CAST: variants seen among roughly 807,000 people sequenced by gnomAD.
CAST encodes MIR583 host.
In CAST, 76 loss-of-function variants were observed where a neutral mutation model predicts 119.6. That is an observed-to-expected ratio of 0.64 (90% CI 0.53 to 0.77). CAST has a LOEUF of 0.77. Among genes scored for constraint, CAST ranks in the 30% least tolerant of loss-of-function variants. The pLI is 0.00. For missense variants in CAST, 953 were observed against 946.5 expected, an observed-to-expected ratio of 1.01 and a Z score of -0.09; for synonymous variants, 319 against 331.6, an observed-to-expected ratio of 0.96 and a Z score of 0.41.
the CAST span, among the ~76,000 whole-genome samples, chr5:96,049,295 C>T: frequency 1.3e-5 from 2 of 152,086 alleles, no homozygotes; most frequent in African/African-American, 4.8e-5. Context: ...AGACAAGATG[C>T]AGTTATTTTC....
chr5:96,693,264 G>A (rs4869307), intron 2 of CAST, among the ~76,000 whole-genome samples: 28,308 of 152,096 alleles, frequency 0.19, 2,724 homozygotes, highest in South Asian at 0.23. Flanking sequence ...GGGAGCCTCC[G>A]TTAAGTTAAA....
chr5:96,496,771 C>A, the CAST span, among the ~76,000 whole-genome samples: 1 of 152,128 alleles, frequency 6.6e-6, no homozygotes, highest in South Asian at 2.1e-4. Context: ...GGAAAATATT[C>A]GTCTTTAGAA....
At chr5:96,602,618 T>C (rs1029446909) in intron 1 of CAST, among the ~76,000 whole-genome samples, 2 of 151,970 alleles carry the variant, frequency 1.3e-5, no homozygotes, top group Non-Finnish European at 2.9e-5. Flanking sequence ...GGCGTGGTGG[T>C]GCATGCCTGT....
chr5:96,414,895 T>C, the CAST span, among the ~76,000 whole-genome samples: 4 of 152,226 alleles, frequency 2.6e-5, no homozygotes, highest in Non-Finnish European at 5.9e-5. Context: ...AAGAGTGCCC[T>C]ATATTCATGA....
In CAST at chr5:96,740,711, C is replaced by T. The variant is rs745528729; in HGVS notation, c.880-34C>T. On this transcript the variant is annotated intron_variant, in intron 12 of 31. Coordinates refer to ENST00000675179, the MANE Select transcript of CAST (RefSeq NM_001750.7). ...TGCCGATCTTAAGGATTAATTCTAC[C>T]TTCTCAACATCATCAAATTAATATT... 8 of 1,540,466 alleles carry T rather than the reference C, an allele frequency of 5.2e-6. No homozygotes were observed. The East Asian group carries it at 1.6e-4, about 30-fold the overall frequency.
chr5:96,199,344 T>C, the CAST span, among the ~76,000 whole-genome samples: 1 of 152,262 alleles, frequency 6.6e-6, no homozygotes, highest in East Asian at 1.9e-4. Flanking sequence ...CATTTACTTC[T>C]CAAAAAAGGA....
At chr5:96,624,486 G>A (rs894963469) in intron 1 of CAST, among the ~76,000 whole-genome samples, 2 of 152,200 alleles carry the variant, frequency 1.3e-5, no homozygotes, top group Non-Finnish European at 2.9e-5. Flanking sequence ...ACCACTGAAT[G>A]TTAGGAATAT....
the CAST span, among the ~76,000 whole-genome samples, chr5:96,400,769 AG>A: frequency 6.6e-6 from 1 of 152,212 alleles, no homozygotes; most frequent in Non-Finnish European, 1.5e-5. Flanking sequence ...GGGATATTCA[AG>A]GATGTGGTTC....
the CAST span, among the ~76,000 whole-genome samples, chr5:96,035,217 G>GTA: frequency 0.67 from 96,394 of 143,720 alleles, 32,330 homozygotes; most frequent in South Asian, 0.78. Flanking sequence ...ATATATTTAA[G>GTA]TATATATATA....
intron 1 of CAST, among the ~76,000 whole-genome samples, chr5:96,600,335 C>T (rs969610867): frequency 6.6e-6 from 1 of 152,300 alleles, no homozygotes; most frequent in African/African-American, 2.4e-5. Context: ...CTATGGTGGG[C>T]ACCTAACCCA....
chr5:96,459,417 G>A, the CAST span, among the ~76,000 whole-genome samples: 1 of 152,036 alleles, frequency 6.6e-6, no homozygotes, highest in Non-Finnish European at 1.5e-5. Flanking sequence ...TGTCAAAATG[G>A]GGCACTGGAT....
the CAST span, among the ~76,000 whole-genome samples, chr5:96,234,347 A>T: frequency 6.6e-6 from 1 of 152,140 alleles, no homozygotes; most frequent in Non-Finnish European, 1.5e-5. Context: ...TTTAGATTTT[A>T]CTCTACAGCA....
chr5:96,310,792 G>T, the CAST span, among the ~76,000 whole-genome samples: 13 of 145,186 alleles, frequency 9.0e-5, no homozygotes, highest in African/African-American at 2.5e-4. Flanking sequence ...TTCTGGTTTT[G>T]TTTATTTGAA....
the CAST span, among the ~76,000 whole-genome samples, chr5:96,273,557 T>C: frequency 6.6e-6 from 1 of 152,332 alleles, no homozygotes; most frequent in South Asian, 2.1e-4. Flanking sequence ...TGGCTTTCCT[T>C]GTTGAAGAAA....
chr5:96,614,378 G>C (rs1747416608), intron 1 of CAST, among the ~76,000 whole-genome samples: 1 of 152,160 alleles, frequency 6.6e-6, no homozygotes, highest in African/African-American at 2.4e-5. Flanking sequence ...GTTGACAAGG[G>C]ATTTTCAGCA....
chr5:96,432,204 G>A, the CAST span: 1 of 1,344,780 alleles, frequency 7.4e-7, no homozygotes, highest in Non-Finnish European at 1.0e-6. Context: ...CCAGTGAAAA[G>A]CCGGAGCTCC....
the CAST span, among the ~76,000 whole-genome samples, chr5:96,180,214 T>C: frequency 1.3e-5 from 2 of 152,338 alleles, no homozygotes; most frequent in East Asian, 3.9e-4. Context: ...CCATGTGTGA[T>C]AATCTTATAC....
upstream of CAST, among the ~76,000 whole-genome samples, chr5:96,659,934 G>C (rs1748222093): frequency 6.6e-6 from 1 of 152,164 alleles, no homozygotes; most frequent in African/African-American, 2.4e-5. Flanking sequence ...AGGGTCTTCA[G>C]CTTCTTTGAA....
At chr5:96,063,934 T>G in the CAST span, among the ~76,000 whole-genome samples, 1 of 152,168 alleles carries the variant, frequency 6.6e-6, no homozygotes, top group Non-Finnish European at 1.5e-5. Flanking sequence ...TGCTGGAGGC[T>G]CCTAAGCCAT....
Sources: gnomAD v4.1 joint callset for allele counts (sites outside exome capture counted in the v4.1 genomes callset) on GRCh38, gnomAD v4.1.1 for gene constraint, MANE v1.5 for transcripts, NCBI Gene and HGNC (gene_info 2026-07-23, HGNC 2026-07-21) for gene names.